SLC24A2: variants seen among roughly 807,000 people sequenced by gnomAD.
SLC24A2 encodes solute carrier family 24 member 2.
In SLC24A2, 36 loss-of-function variants were observed where a neutral mutation model predicts 62.0. The ratio of observed to expected loss-of-function variants is 0.58; its 90% CI spans 0.44 to 0.77. The LOEUF is 0.77. SLC24A2 is among the 30% of genes least tolerant of loss of function. SLC24A2 has a pLI of 0.00. For synonymous variants in SLC24A2, 358 were observed against 294.0 expected, an observed-to-expected ratio of 1.22 and a Z score of -2.23; for missense variants, 846 against 817.9, an observed-to-expected ratio of 1.03 and a Z score of -0.42.
intron 2 of SLC24A2, among the ~76,000 whole-genome samples, chr9:19,774,225 T>C (rs1414402557): frequency 6.6e-6 from 1 of 152,176 alleles, no homozygotes; most frequent in Non-Finnish European, 1.5e-5. Context: ...AACTGGATTC[T>C]GCTAAACACT....
At chr9:19,679,433 T>C (rs1340880241) in intron 2 of SLC24A2, among the ~76,000 whole-genome samples, 2 of 152,120 alleles carry the variant, frequency 1.3e-5, no homozygotes, top group East Asian at 1.9e-4. Flanking sequence ...TAAATCATGA[T>C]GGTTAAGTTT....
chr9:20,288,041 AACAC>A, the SLC24A2 span, among the ~76,000 whole-genome samples: 16 of 146,682 alleles, frequency 1.1e-4, no homozygotes, highest in South Asian at 4.3e-4. Flanking sequence ...TTAGGAAAAA[AACAC>A]ACACACACAC....
chr9:20,230,761 G>A, the SLC24A2 span, among the ~76,000 whole-genome samples: 2 of 152,066 alleles, frequency 1.3e-5, no homozygotes, highest in African/African-American at 2.4e-5. Context: ...GTCAATTTTG[G>A]CTTTTGTTGC....
At chr9:20,283,494 G>A in the SLC24A2 span, among the ~76,000 whole-genome samples, 2 of 152,132 alleles carry the variant, frequency 1.3e-5, no homozygotes, top group Admixed American at 6.5e-5. Flanking sequence ...AAGTCTACAT[G>A]TTAGCAGTGG....
the SLC24A2 span, among the ~76,000 whole-genome samples, chr9:19,902,330 T>A: frequency 6.6e-6 from 1 of 152,064 alleles, no homozygotes; most frequent in African/African-American, 2.4e-5. Flanking sequence ...CAAGACTGAG[T>A]AAGAATTTTC....
At chr9:19,729,184 G>A (rs919642435) in intron 2 of SLC24A2, among the ~76,000 whole-genome samples, 5 of 152,122 alleles carry the variant, frequency 3.3e-5, no homozygotes, top group Admixed American at 2.0e-4. Context: ...CCACAAGGAA[G>A]TATCATTTCA....
chr9:19,975,415 C>T, the SLC24A2 span, among the ~76,000 whole-genome samples: 3 of 152,148 alleles, frequency 2.0e-5, no homozygotes, highest in African/African-American at 7.2e-5. Context: ...TTGTCCATCT[C>T]GTGCAACATG....
At chr9:20,153,058 T>C in the SLC24A2 span, among the ~76,000 whole-genome samples, 1 of 151,892 alleles carries the variant, frequency 6.6e-6, no homozygotes, top group Non-Finnish European at 1.5e-5. Flanking sequence ...AAGCAACACA[T>C]GCTTATACAG....
chr9:19,577,119 A>G, intron 5 of SLC24A2, 97 bp from the exon 6 acceptor site: 1 of 901,226 alleles, frequency 1.1e-6, no homozygotes, highest in Non-Finnish European at 1.9e-6. Flanking sequence ...CGCTGCACTA[A>G]TAGCGTGACC....
At chr9:19,794,220 C>T in the SLC24A2 span, among the ~76,000 whole-genome samples, 6 of 152,132 alleles carry the variant, frequency 3.9e-5, no homozygotes, top group Admixed American at 1.3e-4. Context: ...ACATTAGGAA[C>T]GGGAATTTTT....
At chr9:19,527,929 T>C (rs1334880834) in intron 9 of SLC24A2, 120 bp downstream of exon 9, 2 of 720,882 alleles carry the variant, frequency 2.8e-6, no homozygotes, top group Non-Finnish European at 5.0e-6. Flanking sequence ...GAATGCTAAC[T>C]CGTCTGTGTC....
chr9:20,019,985 G>A, the SLC24A2 span, among the ~76,000 whole-genome samples: 1 of 151,900 alleles, frequency 6.6e-6, no homozygotes, highest in Non-Finnish European at 1.5e-5. Context: ...CATCATCACT[G>A]GTCATTAGAG....
chr9:20,043,320 C>T, the SLC24A2 span, among the ~76,000 whole-genome samples: 1 of 152,282 alleles, frequency 6.6e-6, no homozygotes, highest in Admixed American at 6.5e-5. Flanking sequence ...TGTTTTCTTG[C>T]CTGCTAACAC....
the SLC24A2 span, among the ~76,000 whole-genome samples, chr9:20,218,682 G>A: frequency 6.6e-6 from 1 of 152,138 alleles, no homozygotes; most frequent in Non-Finnish European, 1.5e-5. Flanking sequence ...GTTCATACAG[G>A]ACTGAGCCAA....
chr9:19,848,197 C>T, the SLC24A2 span, among the ~76,000 whole-genome samples: 16 of 152,248 alleles, frequency 1.1e-4, no homozygotes, highest in Non-Finnish European at 1.3e-4. Context: ...TTAGCTTTCA[C>T]CAACCAAAAA....
chr9:20,152,794 C>G, the SLC24A2 span, among the ~76,000 whole-genome samples: 3 of 151,816 alleles, frequency 2.0e-5, no homozygotes, highest in Admixed American at 2.0e-4. Context: ...AATGTTCACT[C>G]CTTTTGAAAG....
chr9:19,707,562 A>G (rs1820570598), intron 2 of SLC24A2, among the ~76,000 whole-genome samples: 2 of 152,238 alleles, frequency 1.3e-5, no homozygotes, highest in Admixed American at 1.3e-4. Context: ...CACCATGATC[A>G]AGTGGGCTTC....
At chr9:19,769,121 T>G (rs1822606903) in intron 2 of SLC24A2, among the ~76,000 whole-genome samples, 1 of 152,220 alleles carries the variant, frequency 6.6e-6, no homozygotes, top group African/African-American at 2.4e-5. Flanking sequence ...CTCTCTTTTC[T>G]ACTTGAAACC....
chr9:20,019,965 G>C, the SLC24A2 span, among the ~76,000 whole-genome samples: 478 of 151,688 alleles, frequency 3.2e-3, 4 homozygotes, highest in African/African-American at 0.011. Context: ...CAAACATATG[G>C]AAAGAGGCTC....
Sources: allele counts gnomAD v4.1 joint callset (sites outside exome capture counted in the v4.1 genomes callset), GRCh38; gene constraint gnomAD v4.1.1; transcripts MANE v1.5; gene names NCBI Gene and HGNC (gene_info 2026-07-23, HGNC 2026-07-21).